Variants in LAMA2 observed in about 807,000 individuals in gnomAD.
LAMA2 encodes laminin subunit alpha-2.
A neutral mutation model predicts 364.8 loss-of-function variants in LAMA2; 269 were observed. The observed-to-expected ratio is 0.74, with a 90% CI of 0.67 to 0.82. LAMA2 has a LOEUF of 0.82. Ranked by LOEUF, LAMA2 falls within the 40% of genes least tolerant of loss-of-function variation. The pLI is 0.00. For missense variants in LAMA2, 3,807 were observed against 3,873.2 expected (o/e 0.98, Z 0.45); for synonymous variants, 1,379 against 1,370.6 (o/e 1.01, Z -0.14).
At chr6:129,267,072 T>C in intron 15 of LAMA2, 34 bp from the exon 16 acceptor site, 1 of 1,354,996 alleles carries the variant, frequency 7.4e-7, no homozygotes, top group African/African-American at 1.4e-5. Flanking sequence ...TGTTTTAATC[T>C]CCAAGACTGA....
chr6:129,395,218 T>TCTGGGCGACAGAGCG, intron 37 of LAMA2, among the ~76,000 whole-genome samples: 1 of 152,194 alleles, frequency 6.6e-6, no homozygotes. Context: ...ACATTGCATC[T>TCTGGGCGACAGAGCG]ATTTGATTGA....
chr6:129,507,483 G>A lies in LAMA2; in HGVS notation c.8704-6G>A, dbSNP rs900343041. ...GACATTTGTTTCTTCTGATCTGAAT[G>A]TTTAGGTGACCTATAGCATTGATGG... On this transcript the variant is annotated splice_region_variant and splice_polypyrimidine_tract_variant and intron_variant, in intron 61 of 64. Coordinates refer to ENST00000421865, the MANE Select transcript of LAMA2 (RefSeq NM_000426.4). 1 of 1,614,108 alleles carries A rather than the reference G, an allele frequency of 6.2e-7. No homozygotes were observed. The highest frequency in any genetic ancestry group is 8.5e-7 in the Non-Finnish European group (1 of 1,179,956).
At chr6:129,364,905 T>G (rs1340391981) in intron 32 of LAMA2, among the ~76,000 whole-genome samples, 2 of 152,204 alleles carry the variant, frequency 1.3e-5, no homozygotes, top group Non-Finnish European at 2.9e-5. Context: ...AGCAGGCATC[T>G]TCACACAGGC....
At chr6:129,060,687 T>TA (rs1788844394) in intron 3 of LAMA2, among the ~76,000 whole-genome samples, 1 of 152,228 alleles carries the variant, frequency 6.6e-6, no homozygotes, top group Non-Finnish European at 1.5e-5. Context: ...GTTATCACTG[T>TA]GTGGGGAAGC....
At chr6:129,400,069 G>C (rs1779881807) in intron 37 of LAMA2, among the ~76,000 whole-genome samples, 1 of 152,192 alleles carries the variant, frequency 6.6e-6, no homozygotes. Flanking sequence ...GGAAATCCAT[G>C]ATCAAAGTAT....
At chr6:129,212,351 T>C (rs1027589513) in intron 12 of LAMA2, among the ~76,000 whole-genome samples, 4 of 152,212 alleles carry the variant, frequency 2.6e-5, no homozygotes, top group African/African-American at 9.6e-5. Flanking sequence ...GAGATGGTTT[T>C]CACCCTGTGT....
At chr6:129,113,470 G>A (rs1029775145) in intron 4 of LAMA2, among the ~76,000 whole-genome samples, 2 of 151,996 alleles carry the variant, frequency 1.3e-5, no homozygotes, top group Admixed American at 1.3e-4. Flanking sequence ...AAGGCAGACA[G>A]AAACGCCAAA....
At chr6:129,248,958 TA>T (rs1055736368) in intron 12 of LAMA2, among the ~76,000 whole-genome samples, 27 of 152,336 alleles carry the variant, frequency 1.8e-4, no homozygotes, top group South Asian at 1.7e-3. Flanking sequence ...CTCAGTGGAT[TA>T]GGGGAATCAG....
At chr6:129,164,723 G>A (rs577178189) in intron 8 of LAMA2, among the ~76,000 whole-genome samples, 48 of 152,068 alleles carry the variant, frequency 3.2e-4, no homozygotes, top group African/African-American at 6.0e-4. Context: ...AGTTTCCAGC[G>A]GTTGCTTTCC....
intron 40 of LAMA2, among the ~76,000 whole-genome samples, chr6:129,421,902 G>T (rs535950412): frequency 8.6e-5 from 13 of 151,978 alleles, no homozygotes; most frequent in African/African-American, 3.1e-4. Context: ...CCAATTGATG[G>T]CTCCTTTTTT....
rs190077705 is a variant in LAMA2, at chr6:129,141,094, T to C, written c.640-2807T>C. On this transcript the variant is annotated intron_variant, in intron 4 of 64. Coordinates refer to ENST00000421865, the MANE Select transcript of LAMA2 (RefSeq NM_000426.4). ...TTCAGAAACTATAATCCTAGACATG[T>C]AGCGATTTCCTCCTTTCTTTCAAGT... is the stretch of plus-strand genomic sequence containing the variant. 1.3e-3 allele frequency among the ~76,000 whole-genome samples: 197 copies of C among 152,190 alleles called. 1 individual carries two copies. Among genetic ancestry groups the C allele is most frequent in the African/African-American group, 4.4e-3 (181 of 41,546 alleles).
intron 51 of LAMA2, among the ~76,000 whole-genome samples, chr6:129,470,648 A>G (rs4897327): frequency 0.51 from 77,374 of 151,600 alleles, 21,450 homozygotes; most frequent in African/African-American, 0.75. Flanking sequence ...CACAAACATG[A>G]ATTCAGATAA....
chr6:129,148,290 G>T (rs139104974), intron 6 of LAMA2, among the ~76,000 whole-genome samples: 354 of 152,166 alleles, frequency 2.3e-3, no homozygotes, highest in African/African-American at 8.3e-3. Context: ...ACTCATAAAT[G>T]AGAGCTAAAC....
At chr6:129,046,129 C>G (rs898520361) in intron 1 of LAMA2, among the ~76,000 whole-genome samples, 2 of 152,168 alleles carry the variant, frequency 1.3e-5, no homozygotes, top group Non-Finnish European at 2.9e-5. Context: ...CCCAGCATGT[C>G]TCTTTGTTCT....
rs192671778 is a variant in LAMA2, at chr6:129,053,215, G to A, written c.283+3127G>A. ...TGCCTCAGCCTCCTGAGAGGCATGC[G>A]CCACCATGCCCGGCTAATTTTGTAT... On this transcript the variant is annotated intron_variant, in intron 2 of 64. Transcript: ENST00000421865. Among the ~76,000 whole-genome samples the A allele has an allele frequency of 4.0e-3, 615 of 152,154 alleles. 6 individuals are homozygous for A. The highest frequency in any genetic ancestry group is 0.014 in the African/African-American group (594 of 41,530).
In LAMA2 at chr6:129,320,331, G is replaced by A. The variant is rs74859844; in HGVS notation, c.4059-207G>A. On this transcript the variant is annotated intron_variant, in intron 27 of 64. Coordinates refer to ENST00000421865, the MANE Select transcript of LAMA2 (RefSeq NM_000426.4). ...GTAGCAGACGTGGAAGAAAATCCCC[G>A]TACAAGTGAACCCATGCAGTTCAAG... 0.097 allele frequency among the ~76,000 whole-genome samples: 14,734 copies of A among 151,962 alleles called. 813 individuals carry two copies. Among genetic ancestry groups the A allele is most frequent in the Admixed American group, 0.15 (2,273 of 15,264 alleles).
intron 10 of LAMA2, among the ~76,000 whole-genome samples, chr6:129,189,918 A>G (rs1178763498): frequency 6.6e-6 from 1 of 152,138 alleles, no homozygotes; most frequent in Non-Finnish European, 1.5e-5. Flanking sequence ...CTGCACAGGT[A>G]TTTATCATGA....
intron 1 of LAMA2, among the ~76,000 whole-genome samples, chr6:128,891,965 G>A (rs1776481467): frequency 6.6e-6 from 1 of 151,994 alleles, no homozygotes; most frequent in African/African-American, 2.4e-5. Flanking sequence ...ACTTTACTAA[G>A]ATCAAAAGCC....
chr6:129,270,640 C>T lies in LAMA2; in HGVS notation c.2339C>T (p.Thr780Ile), dbSNP rs1362957079. 1.2e-5 allele frequency: 20 copies of T among 1,612,858 alleles called. No individual in the cohort carries two copies. The highest frequency in any genetic ancestry group is 1.6e-5 in the Non-Finnish European group (19 of 1,179,276). The change falls in exon 17 of 65, where the codon ACA (threonine) becomes ATA (isoleucine). Residue 780 changes from threonine to isoleucine, a missense_variant. Around this residue, in one of 3 missense-constraint regions of LAMA2, gnomAD observed 3,333 missense variants for 3,345.7 expected, o/e 1.00. Transcript: ENST00000421865. ...CTTTCTCAGAACTGTAAGGATCACACAGGTGGCCCATATTGTGATAAATGT... is the reference window on the plus strand; with the variant it reads ...CTTTCTCAGAACTGTAAGGATCACATAGGTGGCCCATATTGTGATAAATGT... ...TGECLNCKDHTGGPYCDKCLP... is the reference protein window; with the variant it reads ...TGECLNCKDHIGGPYCDKCLP...
Sources: allele counts gnomAD v4.1 joint callset (sites outside exome capture counted in the v4.1 genomes callset), GRCh38; gene constraint gnomAD v4.1.1; regional missense constraint gnomAD v4.1.1; transcripts MANE v1.5; gene names NCBI Gene and HGNC (gene_info 2026-07-23, HGNC 2026-07-21).